POP4: variants seen among roughly 807,000 people sequenced by gnomAD.
The protein encoded by POP4 is ribonuclease P protein subunit p29.
POP4 carries 31 observed loss-of-function variants against 29.9 expected under a neutral mutation model. The ratio of observed to expected loss-of-function variants is 1.04; its 90% confidence interval spans 0.78 to 1.40. The LOEUF is 1.40. Ranked by LOEUF, POP4 falls within the 40% of genes most tolerant of loss-of-function variation. The pLI is 0.00. For missense variants in POP4, 286 were observed against 282.7 expected (o/e 1.01, Z -0.08); for synonymous variants, 110 against 108.2 (o/e 1.02, Z -0.10).
Position 29,608,726 on chromosome 19 carries a change from G to A in POP4, c.60+17G>A. 1.2e-6 allele frequency: 2 copies of A among 1,612,266 alleles called. No homozygotes were observed. Among genetic ancestry groups the A allele is most frequent in the South Asian group, 1.1e-5 (1 of 91,012 alleles). On this transcript the variant is annotated intron_variant, in intron 2 of 6. Transcript: ENST00000585603. ...GATGTCCAGGTCAGTTCTTGGCAGG[G>A]AGTCCAGGAGCAACAGAGGTGATGG...
intron 3 of POP4, chr19:29,611,247 C>T (rs923636684): frequency 6.4e-6 from 1 of 156,122 alleles, no homozygotes; most frequent in African/African-American, 2.4e-5. Flanking sequence ...AGGAGATCAG[C>T]TGGGCCTCAG....
In POP4 at chr19:29,615,545, G is replaced by C; in HGVS notation, c.*165G>C. On this transcript the variant is annotated 3_prime_UTR_variant, in exon 7 of 7. Transcript: ENST00000585603. ...TTGAACAACATGGGAAGGTCGCAGC[G>C]TACTAAGTGAAGAAGTCAGAGGACA... 2 of 653,480 alleles carry C rather than the reference G, an allele frequency of 3.1e-6. No individual in the cohort carries two copies. The highest frequency in any genetic ancestry group is 4.9e-6 in the Non-Finnish European group (2 of 410,258). 40.5% of individuals were successfully genotyped at this position (653,480 alleles called of 1,614,324 possible). A position where few individuals can be genotyped will look rare whatever the true frequency, so the allele number is the denominator to read the frequency against.
rs1291664133 is a variant in POP4, at chr19:29,616,394, C to T, written c.*1014C>T. On this transcript the variant is annotated 3_prime_UTR_variant, in exon 7 of 7. Coordinates refer to ENST00000585603, the MANE Select transcript of POP4 (RefSeq NM_006627.3). ...CATGGCTCAGAAGGACCAACTACCC[C>T]TTCCCTTTGAGGAGCAAGTCTCTGC... 1 of 152,352 alleles carries T rather than the reference C, an allele frequency of 6.6e-6. No individual in the cohort carries two copies. Among genetic ancestry groups the T allele is most frequent in the Admixed American group, 6.5e-5 (1 of 15,284 alleles). 9.4% of individuals were successfully genotyped at this position (152,352 alleles called of 1,614,324 possible). A position where few individuals can be genotyped will look rare whatever the true frequency, so the allele number is the denominator to read the frequency against.
At chr19:29,615,129 T>G (rs572764223) in intron 6 of POP4, 115 bp from the exon 7 acceptor site, 6 of 1,267,780 alleles carry the variant, frequency 4.7e-6, no homozygotes, top group Non-Finnish European at 6.3e-6. Context: ...CCGTTTCCTA[T>G]TAGCTTATTT....
At position 29,615,628 on chromosome 19, in the gene POP4, G is replaced by A. The variant is rs1971122012; in HGVS notation, c.*248G>A. On this transcript the variant is annotated 3_prime_UTR_variant, in exon 7 of 7. Coordinates refer to ENST00000585603, the MANE Select transcript of POP4 (RefSeq NM_006627.3). ...TGTGTGACTCCCATGGGGAGGAACA[G>A]ACTGGCAGGAAGCACACCGGGGTTA... 1 of 428,610 alleles carries A rather than the reference G, an allele frequency of 2.3e-6. No homozygotes were observed. The highest frequency in any genetic ancestry group is 2.0e-5 in the African/African-American group (1 of 50,762). The allele number at this position is 428,610 out of a possible 1,614,324, so 26.6% of individuals were successfully genotyped here. A position where few individuals can be genotyped will look rare whatever the true frequency, so the allele number is the denominator to read the frequency against.
chr19:29,607,703 A>C (rs1971016459), intron 1 of POP4, among the ~76,000 whole-genome samples: 1 of 152,202 alleles, frequency 6.6e-6, no homozygotes, highest in Non-Finnish European at 1.5e-5. Context: ...TTAGAGGTTG[A>C]AACTTTATTG....
chr19:29,614,181 C>G (rs1020401942), intron 6 of POP4, among the ~76,000 whole-genome samples: 2 of 152,216 alleles, frequency 1.3e-5, no homozygotes, highest in African/African-American at 4.8e-5. Context: ...CCTGCAACCC[C>G]GGCCAGAAAT....
chr19:29,614,794 G>A (rs573625897), intron 6 of POP4, among the ~76,000 whole-genome samples: 20 of 152,236 alleles, frequency 1.3e-4, no homozygotes, highest in South Asian at 6.2e-4. Flanking sequence ...GTGAGCCACC[G>A]CGCCCAGCCT....
At chr19:29,611,010 C>G (rs1971062218) in intron 3 of POP4, 1 of 226,274 alleles carries the variant, frequency 4.4e-6, no homozygotes, top group Admixed American at 5.3e-5. Flanking sequence ...ATTGCCAAAG[C>G]AAGATGTTGC....
At chr19:29,608,571 C>A (rs111350818) in intron 1 of POP4, 86 bp from the exon 2 acceptor site, 68 of 1,357,316 alleles carry the variant, frequency 5.0e-5, no homozygotes, top group Non-Finnish European at 6.9e-5. Flanking sequence ...CGCCTAGTGG[C>A]GTAGTTATTT....
Position 29,610,550 on chromosome 19 carries a change from G to GAGA in POP4, c.213_215dup (p.Lys72dup). On this transcript the variant is annotated inframe_insertion, in exon 3 of 7. Transcript: ENST00000585603. ...GTACTTCACCCGCCACAAGCGCAAG[G>GAGA]AGAAGAAGAAGAAAGCCAAAGGCCT... is the stretch of plus-strand genomic sequence containing the variant. 2 of 1,614,166 alleles carry GAGA rather than the reference G, an allele frequency of 1.2e-6. No homozygotes were observed. The highest frequency in any genetic ancestry group is 1.1e-5 in the South Asian group (1 of 91,082).
intron 1 of POP4, among the ~76,000 whole-genome samples, chr19:29,606,735 C>T (rs1318826556): frequency 6.6e-6 from 1 of 152,044 alleles, no homozygotes; most frequent in Non-Finnish European, 1.5e-5. Context: ...AAGCTTTGGT[C>T]CTTAGGGGTA....
intron 3 of POP4, 29 bp from the exon 4 acceptor site, chr19:29,611,833 C>T (rs752244585): frequency 1.9e-6 from 3 of 1,596,162 alleles, no homozygotes; most frequent in African/African-American, 1.3e-5. Flanking sequence ...TGTTGTCTAA[C>T]TTTTTCCCTG....
At chr19:29,610,309 T>G in intron 2 of POP4, 100 bp from the exon 3 acceptor site, 1 of 1,115,490 alleles carries the variant, frequency 9.0e-7, no homozygotes, top group African/African-American at 1.6e-5. Context: ...GGGCCCCATT[T>G]GCTCTTGCAG....
chr19:29,614,834 C>G (rs1971112582), intron 6 of POP4, among the ~76,000 whole-genome samples: 1 of 152,056 alleles, frequency 6.6e-6, no homozygotes, highest in South Asian at 2.1e-4. Context: ...CTTGGTTTTT[C>G]TTGTTGCTTC....
Position 29,613,936 on chromosome 19 carries a change from A to G in POP4, c.490A>G (p.Ile164Val), listed in dbSNP as rs145445007. The change falls in exon 6 of 7, where the codon ATT (isoleucine) becomes GTT (valine). Residue 164 changes from isoleucine (I) to valine (V), a missense_variant. Coordinates refer to ENST00000585603, the MANE Select transcript of POP4 (RefSeq NM_006627.3). Reference sequence around the variant, plus strand: ...AATCCTTCTACAGGAAACAAAGCACATTTTCAAAATTATCACCAAAGAAGA... The same window carrying G: ...AATCCTTCTACAGGAAACAAAGCACGTTTTCAAAATTATCACCAAAGAAGA... ...TGILLQETKH[I>V]FKIITKEDRL... The G allele has an allele frequency of 1.9e-6, 3 of 1,613,762 alleles. No homozygotes were observed. The highest frequency in any genetic ancestry group is 2.5e-6 in the Non-Finnish European group (3 of 1,179,928).
intron 5 of POP4, among the ~76,000 whole-genome samples, chr19:29,612,895 G>C: frequency 6.6e-6 from 1 of 152,338 alleles, no homozygotes; most frequent in African/African-American, 2.4e-5. Context: ...TGCCGGTTAC[G>C]TAGAAATCAG....
chr19:29,607,543 G>A (rs1971014175), intron 1 of POP4, among the ~76,000 whole-genome samples: 2 of 152,062 alleles, frequency 1.3e-5, no homozygotes, highest in Admixed American at 1.3e-4. Context: ...TAAATTTACA[G>A]AGTATAGTGT....
chr19:29,615,190 A>G, intron 6 of POP4, 54 bp from the exon 7 acceptor site: 2 of 1,470,164 alleles, frequency 1.4e-6, no homozygotes, highest in South Asian at 1.3e-5. Context: ...TAAAATATTA[A>G]TAAATATTTT....
Sources: allele counts gnomAD v4.1 joint callset (sites outside exome capture counted in the v4.1 genomes callset), GRCh38; gene constraint gnomAD v4.1.1; transcripts MANE v1.5; gene names NCBI Gene and HGNC (gene_info 2026-07-23, HGNC 2026-07-21).